The following TMEM223 variants were observed in gnomAD, a reference collection of about 807,000 sequenced individuals.
TMEM223 encodes transmembrane protein 223.
Under a neutral mutation model 14.1 loss-of-function variants are expected in TMEM223, and 14 were observed. The ratio of observed to expected loss-of-function variants is 0.99; its 90% CI spans 0.66 to 1.55. The LOEUF is 1.55. Ranked by LOEUF, TMEM223 falls within the 40% of genes most tolerant of loss-of-function variation. The pLI is 0.00. For synonymous variants in TMEM223, 145 were observed against 120.5 expected, an observed-to-expected ratio of 1.20 and a Z score of -1.33; for missense variants, 346 against 269.9, an observed-to-expected ratio of 1.28 and a Z score of -1.97.
At chr11:62,778,307 C>G (rs750905049) in intron 1 of TMEM223, 1 of 1,614,146 alleles carries the variant, frequency 6.2e-7, no homozygotes, top group Non-Finnish European at 8.5e-7. Flanking sequence ...ACCTGGATGG[C>G]AAAGGGAACC....
chr11:62,781,733 C>T, intron 1 of TMEM223: 1 of 623,472 alleles, frequency 1.6e-6, no homozygotes. Flanking sequence ...GAATGAGTTT[C>T]TGTAGGTTAC....
Position 62,779,778 on chromosome 11 carries a change from A to G in TMEM223, c.315-5113T>C, listed in dbSNP as rs1590934976. On this transcript the variant is annotated intron_variant, in intron 1 of 2. Transcript: ENST00000528367. ...CCTCTTGGGTTCAAGCAATTCTCCC[A>G]CCTCAGCTTCCCAAGTAGCTGGGAT... 4.7e-5 allele frequency among the ~76,000 whole-genome samples: 7 copies of G among 150,280 alleles called. No individual in the cohort carries two copies. In the East Asian group the frequency reaches 1.4e-3, roughly 30 times the overall value.
downstream of TMEM223, chr11:62,787,071 G>GA: frequency 6.5e-7 from 1 of 1,530,644 alleles, no homozygotes; most frequent in Non-Finnish European, 8.7e-7. Flanking sequence ...ACGTTTTCCA[G>GA]AAGAGCCGTT....
At chr11:62,776,957 C>T (rs541409331) in intron 1 of TMEM223, among the ~76,000 whole-genome samples, 13 of 151,854 alleles carry the variant, frequency 8.6e-5, no homozygotes, top group African/African-American at 3.1e-4. Flanking sequence ...GACCAACCTG[C>T]CCAACATGGT....
At chr11:62,788,085 G>A (rs1590942213), downstream of TMEM223, among the ~76,000 whole-genome samples, 3 of 152,050 alleles carry the variant, frequency 2.0e-5, no homozygotes, top group South Asian at 2.1e-4. Context: ...AGGCACTAGT[G>A]TGCCTATTTT....
rs1272634777 is a variant in TMEM223 at position 62,782,221 on chromosome 11, G to A, written c.315-7556C>T. ...CTTGGGGCCCTATGTCCGCTGTCTG[G>A]TGGGCAGTGTCCTCTACTGTGTCCT... On this transcript the variant is annotated intron_variant, in intron 1 of 2. Coordinates refer to the TMEM223 transcript ENST00000528367. 1.9e-6 allele frequency: 3 copies of A among 1,614,216 alleles called. No homozygotes were observed. In the South Asian group the frequency reaches 3.3e-5, roughly 18 times the overall value.
exon 2 of TMEM223, chr11:62,774,623 G>A (rs755956930): frequency 2.2e-6 from 1 of 455,182 alleles, no homozygotes; most frequent in South Asian, 1.6e-5. Context: ...GTTGGAGTGA[G>A]TCATCAGCTG....
At chr11:62,787,051 G>A (rs1418708505), downstream of TMEM223, 4 of 1,522,044 alleles carry the variant, frequency 2.6e-6, no homozygotes, top group South Asian at 3.6e-5. Context: ...CCCCGGGACC[G>A]GCACCCGCGA....
At chr11:62,791,345 C>T (rs1465219201) in intron 1 of TMEM223, among the ~76,000 whole-genome samples, 1 of 152,118 alleles carries the variant, frequency 6.6e-6, no homozygotes, top group Non-Finnish European at 1.5e-5. Flanking sequence ...GCAACCTCCG[C>T]CTCCCAGGTT....
In TMEM223 at chr11:62,790,349, G is replaced by C. The variant is rs2084345486; in HGVS notation, c.*274C>G. 8 of 547,482 alleles carry C rather than the reference G, an allele frequency of 1.5e-5. No homozygotes were observed. In the South Asian group the frequency reaches 2.0e-4, roughly 14 times the overall value. 33.9% of individuals were successfully genotyped at this position (547,482 alleles called of 1,614,324 possible). The stretch of plus-strand genomic sequence containing the variant: ...GAGGTACTGTTAGGCAGCTGCCCTA[G>C]GGATGACTGCTCCTTTATTTGTTGT... On this transcript the variant is annotated 3_prime_UTR_variant, in exon 2 of 2. Coordinates refer to ENST00000307366, the MANE Select transcript of TMEM223 (RefSeq NM_001080501.3).
Position 62,790,919 on chromosome 11 carries a change from C to A in TMEM223, c.317-4G>T. 6.4e-7 allele frequency: 1 copy of A among 1,560,876 alleles called. No homozygotes were observed. Among genetic ancestry groups the A allele is most frequent in the South Asian group, 1.2e-5 (1 of 84,880 alleles). On this transcript the variant is annotated splice_region_variant and splice_polypyrimidine_tract_variant and intron_variant, in intron 1 of 1. Transcript: ENST00000307366. ...CCAGCACCGAGTACGAGGGCTCCTGCAGGCAGGGCAGAGATTGGGGTGAGG... is the reference window on the plus strand; with the variant it reads ...CCAGCACCGAGTACGAGGGCTCCTGAAGGCAGGGCAGAGATTGGGGTGAGG...
chr11:62,778,436 T>C, intron 1 of TMEM223: 1 of 1,382,272 alleles, frequency 7.2e-7, no homozygotes, highest in Non-Finnish European at 1.0e-6. Context: ...AACATGTGTT[T>C]ACCCATGCCT....
chr11:62,790,753 C>G lies in TMEM223; in HGVS notation c.479G>C (p.Arg160Pro), dbSNP rs759974837. The change falls in exon 2 of 2, where the codon CGG (arginine) becomes CCG (proline). Residue 160 changes from arginine to proline, a missense_variant. By Grantham distance (103) the Arg-to-Pro change is moderately radical. Coordinates refer to ENST00000307366, the MANE Select transcript of TMEM223 (RefSeq NM_001080501.3). ...AGGTAGCATGGCAGGGACTTCACCCCGGTGGGCCATGCAAGATACCTGCTT... is the reference window on the plus strand; with the variant it reads ...AGGTAGCATGGCAGGGACTTCACCCGGGTGGGCCATGCAAGATACCTGCTT... Reference protein sequence around the residue: ...PLKQVSCMAHRGEVPAMLPLK... With the variant: ...PLKQVSCMAHPGEVPAMLPLK... 7 of 1,610,202 alleles carry G rather than the reference C, an allele frequency of 4.3e-6. No individual in the cohort carries two copies. The highest frequency in any genetic ancestry group is 5.9e-6 in the Non-Finnish European group (7 of 1,178,218).
downstream of TMEM223, chr11:62,787,361 G>A: frequency 6.5e-7 from 1 of 1,536,816 alleles, no homozygotes; most frequent in Non-Finnish European, 8.7e-7. Context: ...CCACCTTCGT[G>A]GGTCGCGCCG....
chr11:62,786,406 C>G (rs371168609), downstream of TMEM223: 9 of 1,609,608 alleles, frequency 5.6e-6, no homozygotes, highest in Admixed American at 5.0e-5. Context: ...CCGTCCCCTT[C>G]CAGCCTCCCT....
downstream of TMEM223, chr11:62,788,930 G>A (rs922791556): frequency 2.2e-6 from 3 of 1,347,800 alleles, no homozygotes; most frequent in African/African-American, 2.9e-5. Context: ...CTGGAATGCA[G>A]GACCATTCCT....
downstream of TMEM223, chr11:62,786,843 G>A (rs746388465): frequency 1.9e-6 from 3 of 1,598,936 alleles, no homozygotes; most frequent in African/African-American, 1.3e-5. Flanking sequence ...CCGGGGACAA[G>A]AAGGAGCCGG....
chr11:62,787,509 G>A (rs1267261232), downstream of TMEM223: 2 of 1,576,910 alleles, frequency 1.3e-6, no homozygotes, highest in African/African-American at 1.3e-5. Flanking sequence ...TGGCGGCCGC[G>A]GCGATGACTC....
rs183378850 is a variant in TMEM223, at chr11:62,773,186, C to T, written c.386-1054G>A. On this transcript the variant is annotated intron_variant, in intron 2 of 2. Transcript: ENST00000528367. Reference sequence around the variant, plus strand: ...TTTTTGAGATGGAGTCTTGCTCTGTCGCCCAGGCTGGAGTGCAGTGGTGCG... The same window carrying T: ...TTTTTGAGATGGAGTCTTGCTCTGTTGCCCAGGCTGGAGTGCAGTGGTGCG... Among the ~76,000 whole-genome samples, 11 of 150,488 alleles carry T rather than the reference C, an allele frequency of 7.3e-5. 1 individual carries two copies. The East Asian group carries it at 7.8e-4, about 11-fold the overall frequency.
Sources: allele counts gnomAD v4.1 joint callset (sites outside exome capture counted in the v4.1 genomes callset), GRCh38; gene constraint gnomAD v4.1.1; transcripts MANE v1.5; gene names NCBI Gene and HGNC (gene_info 2026-07-23, HGNC 2026-07-21).